The following TIGD4 variants were observed in gnomAD, a reference collection of about 807,000 sequenced individuals.
TIGD4 encodes the protein tigger transposable element-derived protein 4.
A neutral mutation model predicts 24.9 loss-of-function variants in TIGD4; 20 were observed. The ratio of observed to expected loss-of-function variants is 0.80; its 90% confidence interval spans 0.56 to 1.17. The LOEUF is 1.17. TIGD4 is among the 50% of genes most tolerant of loss of function. TIGD4 has a pLI of 0.00. For missense variants in TIGD4, 566 were observed against 591.0 expected (o/e 0.96, Z 0.44); for synonymous variants, 193 against 211.0 (o/e 0.91, Z 0.74).
At chr4:152,775,248 T>C (rs1026368471) in intron 1 of TIGD4, among the ~76,000 whole-genome samples, 1 of 152,204 alleles carries the variant, frequency 6.6e-6, no homozygotes, top group Non-Finnish European at 1.5e-5. Context: ...AGAATAATTA[T>C]AGATGTAAAA....
intron 1 of TIGD4, among the ~76,000 whole-genome samples, chr4:152,772,532 C>T (rs940497696): frequency 1.6e-4 from 25 of 152,198 alleles, no homozygotes; most frequent in African/African-American, 5.1e-4. Flanking sequence ...GTGTAAAGCA[C>T]GTAGCACAGT....
In TIGD4 at chr4:152,770,685, CCA is replaced by C; in HGVS notation, c.318_319del (p.Asn106LysfsTer9). 6.2e-7 allele frequency: 1 copy of C among 1,612,636 alleles called. No individual in the cohort carries two copies. The highest frequency in any genetic ancestry group is 8.5e-7 in the Non-Finnish European group (1 of 1,179,564). On this transcript the variant is annotated frameshift_variant, in exon 2 of 2. Coordinates refer to ENST00000304337, the MANE Select transcript of TIGD4 (RefSeq NM_145720.4). LOFTEE classifies it high-confidence loss of function. ...ATTAGCTTTTAGACGTAACATCGGA[CCA>C]TTAACTGGTACATTTAGACACTGAG...
rs761314020 is a variant in TIGD4 at position 152,769,631 on chromosome 4, A to C, written c.1374T>G (p.Asp458Glu). 5.6e-6 allele frequency: 9 copies of C among 1,613,400 alleles called. No individual in the cohort carries two copies. The East Asian group carries it at 1.1e-4, about 20-fold the overall frequency. The change falls in exon 2 of 2, where the codon GAT becomes GAG. Residue 458 changes from aspartate (D) to glutamate (E), a missense_variant. Transcript: ENST00000304337. ...ETGFYTSDEE[D>E]DDGSPGTELP... ...GTTCAGTTCCTGGAGATCCATCATC[A>C]TCCTCTTCATCAGAAGTGTAAAATC... is the stretch of plus-strand genomic sequence containing the variant.
chr4:152,770,677 A>G lies in TIGD4; in HGVS notation c.328T>C (p.Leu110=). Reference sequence around the variant, plus strand: ...GCAAAATCATTAGCTTTTAGACGTAACATCGGACCATTAACTGGTACATTT... The same window carrying G: ...GCAAAATCATTAGCTTTTAGACGTAGCATCGGACCATTAACTGGTACATTT... ...CLNVPVNGPM[L]RLKANDFAQK... is the part of the protein sequence containing the mutation. Residue 110 remains leucine (L), a synonymous_variant, in exon 2 of 2, where the codon TTA becomes CTA. Coordinates refer to ENST00000304337, the MANE Select transcript of TIGD4 (RefSeq NM_145720.4). The G allele has an allele frequency of 6.2e-7, 1 of 1,611,928 alleles. No individual in the cohort carries two copies. Among genetic ancestry groups the G allele is most frequent in the South Asian group, 1.1e-5 (1 of 90,400 alleles).
rs766511466 is a variant in TIGD4, at chr4:152,770,219, G to A, written c.786C>T (p.Ser262=). The change falls in exon 2 of 2, where the codon TCC becomes TCT. Residue 262 remains serine, a synonymous_variant. Transcript: ENST00000304337. ...TTCGCATCCATTGTTCAAATACATC[G>A]GAGGTCATCCATGCCATTCTGTTAG... The part of the protein sequence containing the change: ...YEANRMAWMT[S]DVFEQWMRKL... 67 of 1,613,896 alleles carry A rather than the reference G, an allele frequency of 4.2e-5. No individual in the cohort carries two copies. In the Middle Eastern group the frequency reaches 6.6e-4, roughly 16 times the overall value.
intron 1 of TIGD4, among the ~76,000 whole-genome samples, chr4:152,775,831 A>G (rs1443040338): frequency 6.6e-6 from 1 of 152,246 alleles, no homozygotes; most frequent in Non-Finnish European, 1.5e-5. Context: ...CTTGCAAGTA[A>G]CATAACATAA....
intron 1 of TIGD4, among the ~76,000 whole-genome samples, chr4:152,773,883 T>C (rs1168962255): frequency 6.6e-6 from 1 of 152,132 alleles, no homozygotes; most frequent in Non-Finnish European, 1.5e-5. Context: ...TTCTTGCTCT[T>C]ATTAGGAAGA....
chr4:152,769,992 A>C lies in TIGD4; in HGVS notation c.1013T>G (p.Phe338Cys), dbSNP rs1730133943. Residue 338 changes from phenylalanine (F) to cysteine (C), a missense_variant, in exon 2 of 2, where the codon TTT becomes TGT. Transcript: ENST00000304337. ...IKYRHCLIKK[F>C]LSSVEGSKEF... ...TTTGCTACCTTCAACAGAGCTTAAA[A>C]ATTTCTTGATAAGACAGTGTCGATA... The C allele has an allele frequency of 1.9e-6, 3 of 1,610,056 alleles. No individual in the cohort carries two copies. The highest frequency in any genetic ancestry group is 2.5e-6 in the Non-Finnish European group (3 of 1,177,240).
In TIGD4 at chr4:152,770,981, G is replaced by A. The variant is rs754554479; in HGVS notation, c.24C>T (p.Ala8=). MAEASVD[A]STLPVTVKKK... is the part of the protein sequence containing the mutation. ...TCTTCACTGTTACAGGCAGAGTTGAGGCATCCACAGAAGCTTCTGCCATCT... is the reference window on the plus strand; with the variant it reads ...TCTTCACTGTTACAGGCAGAGTTGAAGCATCCACAGAAGCTTCTGCCATCT... The change falls in exon 2 of 2, where the codon GCC becomes GCT. Residue 8 remains alanine (A), a synonymous_variant. Transcript: ENST00000304337. The A allele has an allele frequency of 1.2e-6, 2 of 1,605,924 alleles. No homozygotes were observed. Among genetic ancestry groups the A allele is most frequent in the South Asian group, 2.3e-5 (2 of 88,454 alleles).
At chr4:152,773,642 T>TAAAAAAAA (rs71598212) in intron 1 of TIGD4, among the ~76,000 whole-genome samples, 4 of 82,132 alleles carry the variant, frequency 4.9e-5, no homozygotes, top group Admixed American at 1.5e-4. Flanking sequence ...TCCAATGCCT[T>TAAAAAAAA]AAAAAAAAAA....
chr4:152,777,350 G>C (rs1410640885), intron 1 of TIGD4, among the ~76,000 whole-genome samples: 2 of 152,172 alleles, frequency 1.3e-5, no homozygotes, highest in Non-Finnish European at 2.9e-5. Flanking sequence ...AGTTAAATGA[G>C]TAGATAATCT....
chr4:152,778,153 CA>C (rs1186865112), intron 1 of TIGD4, among the ~76,000 whole-genome samples: 2 of 152,042 alleles, frequency 1.3e-5, no homozygotes, highest in Non-Finnish European at 2.9e-5. Context: ...TTCACCTTTC[CA>C]AAATAAGAAA....
chr4:152,774,014 CCTT>C (rs1443535595), intron 1 of TIGD4, among the ~76,000 whole-genome samples: 9 of 151,984 alleles, frequency 5.9e-5, no homozygotes, highest in Admixed American at 5.3e-4. Flanking sequence ...TCTTTCCTTC[CCTT>C]TTTTCTTTCC....
At position 152,771,058 on chromosome 4, in the gene TIGD4, CT is replaced by C. The variant is rs1730163969; in HGVS notation, c.-55del. 1.5e-5 allele frequency: 23 copies of C among 1,523,926 alleles called. No individual in the cohort carries two copies. Among genetic ancestry groups the C allele is most frequent in the Non-Finnish European group, 1.9e-5 (22 of 1,142,590 alleles). The allele number at this position is 1,523,926 out of a possible 1,614,324, so 94.4% of individuals were successfully genotyped here. A position where few individuals can be genotyped will look rare whatever the true frequency, so the allele number is the denominator to read the frequency against. On this transcript the variant is annotated 5_prime_UTR_variant, in exon 2 of 2. Coordinates refer to ENST00000304337, the MANE Select transcript of TIGD4 (RefSeq NM_145720.4). ...CTTCTTAACTTCCTGGTGACTGTTT[CT>C]TTAATTAAATTTGTTTTCCAGTATA... is the stretch of plus-strand genomic sequence containing the variant.
intron 1 of TIGD4, among the ~76,000 whole-genome samples, chr4:152,773,886 T>A (rs1424753071): frequency 6.6e-6 from 1 of 152,200 alleles, no homozygotes; most frequent in East Asian, 1.9e-4. Flanking sequence ...TTGCTCTTAT[T>A]AGGAAGATAC....
At chr4:152,773,642 T>TAAAAAAAAAA (rs71598212) in intron 1 of TIGD4, among the ~76,000 whole-genome samples, 5 of 82,144 alleles carry the variant, frequency 6.1e-5, no homozygotes, top group Non-Finnish European at 1.1e-4. Context: ...TCCAATGCCT[T>TAAAAAAAAAA]AAAAAAAAAA....
At chr4:152,776,111 TA>T (rs1730256144) in intron 1 of TIGD4, among the ~76,000 whole-genome samples, 1 of 152,100 alleles carries the variant, frequency 6.6e-6, no homozygotes, top group South Asian at 2.1e-4. Context: ...AAGCAAAATA[TA>T]AAATTATATG....
In TIGD4 at chr4:152,770,855, T is replaced by C; in HGVS notation, c.150A>G (p.Lys50=). 1.2e-6 allele frequency: 2 copies of C among 1,613,832 alleles called. No individual in the cohort carries two copies. Among genetic ancestry groups the C allele is most frequent in the East Asian group, 2.2e-5 (1 of 44,878 alleles). The change falls in exon 2 of 2, where the codon AAA becomes AAG. Residue 50 remains lysine, a synonymous_variant. Coordinates refer to ENST00000304337, the MANE Select transcript of TIGD4 (RefSeq NM_145720.4). ...TCTTCATAATAGAAGACAATGAATT[T>C]TTCTTTATTCCATATTCAGCAGCAA... ...AEIAAEYGIK[K]NSLSSIMKNK...
In TIGD4 at chr4:152,770,446, G is replaced by A. The variant is rs750965787; in HGVS notation, c.559C>T (p.Leu187=). The A allele has an allele frequency of 1.2e-6, 2 of 1,611,048 alleles. No homozygotes were observed. Among genetic ancestry groups the A allele is most frequent in the Non-Finnish European group, 1.7e-6 (2 of 1,179,196 alleles). The change falls in exon 2 of 2, where the codon CTG becomes TTG. Residue 187 remains leucine (L), a synonymous_variant. Transcript: ENST00000304337. ...KNVFNIKETG[L]LYRMLPTNTF... is the part of the protein sequence containing the mutation. ...TTGGTAGGTAACATTCGATAAAGCA[G>A]CCCAGTCTCTTTTATATTAAAAACA...
Sources: gnomAD v4.1 joint callset for allele counts (sites outside exome capture counted in the v4.1 genomes callset) on GRCh38, gnomAD v4.1.1 for gene constraint, MANE v1.5 for transcripts, NCBI Gene and HGNC (gene_info 2026-07-23, HGNC 2026-07-21) for gene names.